Variants in FHL2 observed in about 807,000 individuals in gnomAD.
FHL2 encodes the protein four and a half LIM domains 2, also known as four and a half LIM domains protein 2.
A neutral mutation model predicts 32.7 loss-of-function variants in FHL2; 20 were observed. The observed-to-expected ratio is 0.61, with a 90% CI of 0.43 to 0.89. FHL2 has a LOEUF of 0.89. Ranked by LOEUF, FHL2 falls within the 40% of genes least tolerant of loss-of-function variation. The pLI, the probability that FHL2 is intolerant of heterozygous loss-of-function variation, is 0.00. For missense variants in FHL2, 311 were observed against 358.6 expected, an observed-to-expected ratio of 0.87 and a Z score of 1.07; for synonymous variants, 123 against 128.1, an observed-to-expected ratio of 0.96 and a Z score of 0.27.
intron 1 of FHL2, among the ~76,000 whole-genome samples, chr2:105,404,553 G>T (rs1416990965): frequency 1.3e-5 from 2 of 152,204 alleles, no homozygotes; most frequent in Non-Finnish European, 2.9e-5. Context: ...TACGGGCAGG[G>T]TATGCACCTG....
At chr2:105,400,685 A>ATT (rs1683430484), upstream of FHL2, among the ~76,000 whole-genome samples, 1 of 61,592 alleles carries the variant, frequency 1.6e-5, no homozygotes. Context: ...CTTATATTTT[A>ATT]ATTTTTTTTT....
intron 1 of FHL2, among the ~76,000 whole-genome samples, chr2:105,405,870 T>G (rs1391099733): frequency 6.6e-6 from 1 of 152,240 alleles, no homozygotes; most frequent in Admixed American, 6.5e-5. Context: ...TTCTTTACAT[T>G]ATCTGTGAAA....
chr2:105,397,363 C>A (rs1045699220), intron 1 of FHL2, among the ~76,000 whole-genome samples: 2 of 152,084 alleles, frequency 1.3e-5, no homozygotes, highest in African/African-American at 2.4e-5. Context: ...TCTATGATGT[C>A]CAGGCTTCTT....
chr2:105,432,404 T>G (rs1485970954), intron 1 of FHL2, among the ~76,000 whole-genome samples: 2 of 152,212 alleles, frequency 1.3e-5, no homozygotes, highest in Admixed American at 6.5e-5. Flanking sequence ...GATTTTGGGA[T>G]TGGAAGGGCA....
chr2:105,365,515 TTGA>T (rs1363059486), intron 5 of FHL2, among the ~76,000 whole-genome samples: 1 of 152,102 alleles, frequency 6.6e-6, no homozygotes, highest in Non-Finnish European at 1.5e-5. Flanking sequence ...CCGTTAGGTC[TTGA>T]TGAGAAGAAC....
chr2:105,368,199 A>T (rs1223992211), intron 4 of FHL2, among the ~76,000 whole-genome samples: 2 of 152,206 alleles, frequency 1.3e-5, no homozygotes, highest in Admixed American at 1.3e-4. Context: ...GTGTGAATGA[A>T]CCTGGAACCT....
At chr2:105,437,801 A>G (rs534293989) in intron 1 of FHL2, among the ~76,000 whole-genome samples, 1 of 152,304 alleles carries the variant, frequency 6.6e-6, no homozygotes, top group East Asian at 1.9e-4. Flanking sequence ...TGCTCTGGAA[A>G]TTGTAAAATA....
At chr2:105,422,561 C>T (rs1264218348) in intron 1 of FHL2, among the ~76,000 whole-genome samples, 1 of 150,254 alleles carries the variant, frequency 6.7e-6, no homozygotes, top group Non-Finnish European at 1.5e-5. Context: ...CCACAAGCCA[C>T]TTAGAGACAA....
At chr2:105,394,421 A>G (rs987823495) in intron 2 of FHL2, among the ~76,000 whole-genome samples, 1 of 151,468 alleles carries the variant, frequency 6.6e-6, no homozygotes, top group African/African-American at 2.4e-5. Flanking sequence ...AAAAAAATTT[A>G]TATCAGTTGG....
At chr2:105,432,622 C>T (rs371345436) in intron 1 of FHL2, among the ~76,000 whole-genome samples, 46 of 152,218 alleles carry the variant, frequency 3.0e-4, no homozygotes, top group African/African-American at 1.1e-3. Flanking sequence ...TCAGCATTTC[C>T]ATCCTCTTCT....
At chr2:105,393,998 G>A (rs1682927599) in intron 2 of FHL2, among the ~76,000 whole-genome samples, 1 of 152,290 alleles carries the variant, frequency 6.6e-6, no homozygotes, top group East Asian at 1.9e-4. Context: ...CCCCAACACG[G>A]GCTCCAGGTG....
In FHL2 at chr2:105,373,828, G is replaced by A. The variant is rs186018837; in HGVS notation, c.157-95C>T. The A allele has an allele frequency of 4.1e-5, 55 of 1,327,188 alleles. No individual in the cohort carries two copies. In the Admixed American group the frequency reaches 6.0e-4, roughly 15 times the overall value. The allele number at this position is 1,327,188 out of a possible 1,614,324, so 82.2% of individuals were successfully genotyped here. A position where few individuals can be genotyped will look rare whatever the true frequency, so the allele number is the denominator to read the frequency against. On this transcript the variant is annotated intron_variant, in intron 3 of 6. Transcript: ENST00000530340. The stretch of plus-strand genomic sequence containing the variant: ...CCTTGCGAATCTGCAGGGCAAACAA[G>A]GAAAGAAGTTGGGCCGAGGCACCCT...
chr2:105,358,580 A>AATGCC (rs1680102788), downstream of FHL2: 1 of 152,226 alleles, frequency 6.6e-6, no homozygotes, highest in Non-Finnish European at 1.5e-5. Flanking sequence ...CTGTGGCTCA[A>AATGCC]ATGCCACAGA....
chr2:105,376,750 G>A (rs1681500845), intron 3 of FHL2: 1 of 152,222 alleles, frequency 6.6e-6, no homozygotes, highest in African/African-American at 2.4e-5. Flanking sequence ...TAGCCAAAAG[G>A]TGGGAGCAAG....
upstream of FHL2, among the ~76,000 whole-genome samples, chr2:105,402,085 GTA>G (rs1006173381): frequency 6.7e-5 from 8 of 119,674 alleles, no homozygotes; most frequent in Non-Finnish European, 1.2e-4. Context: ...GTATATATGT[GTA>G]TATATACGTG....
At chr2:105,365,672 T>TC (rs574017851) in intron 5 of FHL2, among the ~76,000 whole-genome samples, 37 of 128,222 alleles carry the variant, frequency 2.9e-4, no homozygotes, top group African/African-American at 1.1e-3. Context: ...CCGTCTCTAC[T>TC]ACAAAAAAAA....
downstream of FHL2, chr2:105,360,322 G>A (rs1680169957): frequency 6.7e-6 from 1 of 150,180 alleles, no homozygotes; most frequent in Admixed American, 6.6e-5. Flanking sequence ...AAAAAAAAGG[G>A]AGAGAAGGTA....
chr2:105,382,827 A>G (rs1681995033), intron 3 of FHL2, among the ~76,000 whole-genome samples: 1 of 152,126 alleles, frequency 6.6e-6, no homozygotes, highest in Non-Finnish European at 1.5e-5. Context: ...GCTTAAAATC[A>G]CCAATTTGTT....
At chr2:105,436,413 T>A (rs1387786669) in intron 1 of FHL2, among the ~76,000 whole-genome samples, 1 of 152,190 alleles carries the variant, frequency 6.6e-6, no homozygotes, top group African/African-American at 2.4e-5. Context: ...CCAACTATTA[T>A]GAATATTTTA....
Sources: allele counts gnomAD v4.1 joint callset (sites outside exome capture counted in the v4.1 genomes callset), GRCh38; gene constraint gnomAD v4.1.1; transcripts MANE v1.5; gene names NCBI Gene and HGNC (gene_info 2026-07-23, HGNC 2026-07-21).